C7: variants seen among roughly 807,000 people sequenced by gnomAD.
C7 encodes complement component C7.
In C7, 83 loss-of-function variants were observed where a neutral mutation model predicts 104.8. The ratio of observed to expected loss-of-function variants is 0.79; its 90% CI spans 0.66 to 0.95. C7 has a LOEUF of 0.95. Ranked by LOEUF, C7 falls within the 40% of genes least tolerant of loss-of-function variation. The pLI is 0.00. For synonymous variants in C7, 415 were observed against 360.6 expected (o/e 1.15, Z -1.71); for missense variants, 1,070 against 1,011.2 (o/e 1.06, Z -0.79).
At chr5:40,975,455 C>G (rs1324396422) in intron 15 of C7, among the ~76,000 whole-genome samples, 2 of 151,696 alleles carry the variant, frequency 1.3e-5, no homozygotes, top group African/African-American at 2.4e-5. Flanking sequence ...CCTCCACCAC[C>G]CGGGCTCAAG....
Position 40,964,020 on chromosome 5 carries a change from C to CTTTTTTTTTTT in C7, c.1750-700_1750-690dup, listed in dbSNP as rs869250524. Among the ~76,000 whole-genome samples, 5 of 39,886 alleles carry CTTTTTTTTTTT rather than the reference C, an allele frequency of 1.3e-4. 1 individual carries two copies. Among genetic ancestry groups the CTTTTTTTTTTT allele is most frequent in the East Asian group, 2.2e-3 (2 of 900 alleles). 26.2% of individuals were successfully genotyped at this position (39,886 alleles called of 152,430 possible). A position where few individuals can be genotyped will look rare whatever the true frequency, so the allele number is the denominator to read the frequency against. On this transcript the variant is annotated intron_variant, in intron 13 of 17. Transcript: ENST00000313164. ...TATTGTCAATGAACAGCTCATAATA[C>CTTTTTTTTTTT]TTTTTTTTTTTTTTTTTTTTTTTTT... is the stretch of plus-strand genomic sequence containing the variant.
At chr5:40,947,505 G>T in intron 7 of C7, 97 bp from the exon 8 acceptor site, 1 of 1,331,706 alleles carries the variant, frequency 7.5e-7, no homozygotes, top group Non-Finnish European at 1.1e-6. Flanking sequence ...TTGGTTGATT[G>T]GAGATGAGAG....
chr5:40,953,002 C>T (rs908048130), intron 9 of C7, among the ~76,000 whole-genome samples: 5 of 151,996 alleles, frequency 3.3e-5, no homozygotes, highest in Admixed American at 6.6e-5. Flanking sequence ...TACTCATTCT[C>T]TCAGATATTC....
rs1320624178 is a variant in C7 at position 40,964,827 on chromosome 5, A to G, written c.1836A>G (p.Arg612=). The stretch of plus-strand genomic sequence containing the variant: ...CTCTTATTGGAAACCCAGTGGCCAG[A>G]TGTGGAGAAGATTTACGGTGGCTTG... ...GYSLIGNPVA[R]CGEDLRWLVG... The change falls in exon 14 of 18, where the codon AGA becomes AGG. Residue 612 remains arginine, a synonymous_variant. Coordinates refer to ENST00000313164, the MANE Select transcript of C7 (RefSeq NM_000587.4). 1.2e-6 allele frequency: 2 copies of G among 1,613,672 alleles called. No homozygotes were observed. Among genetic ancestry groups the G allele is most frequent in the Non-Finnish European group, 1.7e-6 (2 of 1,179,756 alleles).
chr5:40,909,974 A>ATTTTTTTTTTTTTTTT (rs1259880340), intron 1 of C7, among the ~76,000 whole-genome samples: 1 of 124,664 alleles, frequency 8.0e-6, no homozygotes, highest in African/African-American at 3.0e-5. Context: ...CCTCTGGTGT[A>ATTTTTTTTTTTTTTTT]TTTTTTTTTT....
At chr5:40,959,376 A>G in intron 11 of C7, 73 bp from the exon 12 acceptor site, 1 of 1,323,962 alleles carries the variant, frequency 7.6e-7, no homozygotes, top group Non-Finnish European at 1.0e-6. Context: ...TTAACTTGTT[A>G]GCAGGAAGCA....
At chr5:40,972,340 C>CT in intron 14 of C7, 63 bp from the exon 15 acceptor site, 1 of 1,407,996 alleles carries the variant, frequency 7.1e-7, no homozygotes, top group East Asian at 2.3e-5. Context: ...TCACATAAGA[C>CT]TTTTTTAAAA....
At chr5:40,961,982 T>C in intron 12 of C7, 103 bp from the exon 13 acceptor site, 2 of 500,142 alleles carry the variant, frequency 4.0e-6, no homozygotes, top group Non-Finnish European at 6.8e-6. Flanking sequence ...TGTACTTAAA[T>C]GAATGGAGTT....
intron 14 of C7, among the ~76,000 whole-genome samples, chr5:40,966,140 G>T (rs1203609877): frequency 1.3e-5 from 2 of 150,670 alleles, no homozygotes; most frequent in East Asian, 3.9e-4. Context: ...TAGGTTTTTG[G>T]GGAACAGATG....
chr5:40,949,327 A>G (rs1013694170), intron 8 of C7, among the ~76,000 whole-genome samples: 1 of 150,124 alleles, frequency 6.7e-6, no homozygotes, highest in African/African-American at 2.4e-5. Flanking sequence ...ACATTTTAGT[A>G]TTTTTCTATC....
Position 40,962,128 on chromosome 5 carries a change from G to T in C7, c.1705G>T (p.Glu569Ter). Residue 569 changes from glutamate (E) to a stop codon, truncating the protein, a stop_gained, in exon 13 of 18, where the codon GAA (glutamate) becomes TAA (stop). Transcript: ENST00000313164. LOFTEE classifies it high-confidence loss of function. Reference sequence around the variant, plus strand: ...CTTTCCTTTGTCTTTGGTTCCAACAGAATTCTGTCCATCACCTCCTGCCTT... The same window carrying T: ...CTTTCCTTTGTCTTTGGTTCCAACATAATTCTGTCCATCACCTCCTGCCTT... ...HCFPLSLVPT[E>*]FCPSPPALKD... 1 of 1,570,206 alleles carries T rather than the reference G, an allele frequency of 6.4e-7. No individual in the cohort carries two copies.
intron 8 of C7, among the ~76,000 whole-genome samples, chr5:40,948,712 A>G (rs1740102311): frequency 6.6e-6 from 1 of 152,134 alleles, no homozygotes; most frequent in Admixed American, 6.6e-5. Flanking sequence ...CTAATGTTCC[A>G]AGTCAAACCT....
chr5:40,914,097 G>A (rs1288103218), intron 1 of C7, among the ~76,000 whole-genome samples: 3 of 152,112 alleles, frequency 2.0e-5, no homozygotes, highest in African/African-American at 7.2e-5. Flanking sequence ...TCAAAGTGTT[G>A]GGATTACAGG....
At chr5:40,979,564 G>A (rs1363786805) in intron 16 of C7, among the ~76,000 whole-genome samples, 161 bp from the exon 17 acceptor site, 1 of 150,590 alleles carries the variant, frequency 6.6e-6, no homozygotes, top group African/African-American at 2.4e-5. Context: ...AAGTGAGTTG[G>A]ACCTAGGAAT....
chr5:40,980,186 C>T, intron 17 of C7: 1 of 305,616 alleles, frequency 3.3e-6, no homozygotes, highest in Non-Finnish European at 6.0e-6. Context: ...TTACTCTGTC[C>T]TTGTATTATC....
chr5:40,918,949 GACACACACACACACAC>G (rs138558983), intron 1 of C7, among the ~76,000 whole-genome samples: 51 of 138,374 alleles, frequency 3.7e-4, no homozygotes, highest in African/African-American at 3.4e-4. Context: ...GAATCTAACA[GACACACACACACACAC>G]ACACACACAC....
At chr5:40,945,573 T>C (rs191312193) in intron 7 of C7, among the ~76,000 whole-genome samples, 1 of 152,214 alleles carries the variant, frequency 6.6e-6, no homozygotes, top group Non-Finnish European at 1.5e-5. Flanking sequence ...TATTTATTTA[T>C]ACTGGCCAGG....
intron 1 of C7, among the ~76,000 whole-genome samples, chr5:40,909,867 G>T (rs1473798317): frequency 2.0e-5 from 3 of 152,032 alleles, no homozygotes; most frequent in African/African-American, 4.8e-5. Context: ...AGGTCCAGAG[G>T]TCTGGGAATC....
intron 1 of C7, among the ~76,000 whole-genome samples, chr5:40,922,374 CAAAAA>C (rs869109946): frequency 1.6e-4 from 7 of 43,080 alleles, no homozygotes; most frequent in Non-Finnish European, 2.4e-4. Flanking sequence ...GACTCTGTCT[CAAAAA>C]AAAAAAAAAA....
Sources: allele counts gnomAD v4.1 joint callset (sites outside exome capture counted in the v4.1 genomes callset), GRCh38; gene constraint gnomAD v4.1.1; transcripts MANE v1.5; gene names NCBI Gene and HGNC (gene_info 2026-07-23, HGNC 2026-07-21).